CHRM2: variants seen among roughly 807,000 people sequenced by gnomAD.
CHRM2 encodes cholinergic receptor muscarinic 2, also known as muscarinic acetylcholine receptor M2.
Under a neutral mutation model 25.0 loss-of-function variants are expected in CHRM2, and 8 were observed. That is an observed-to-expected ratio of 0.32 (90% CI 0.19 to 0.58). The LOEUF (loss-of-function observed/expected upper bound fraction) is 0.58. Among genes scored for constraint, CHRM2 ranks in the 20% least tolerant of loss-of-function variants. The pLI, the probability that CHRM2 is intolerant of heterozygous loss-of-function variation, is 0.88. For missense variants in CHRM2, 440 were observed against 567.1 expected (o/e 0.78, Z 2.28); for synonymous variants, 202 against 205.7 (o/e 0.98, Z 0.15).
At chr7:136,884,929 C>T (rs114288190) in intron 2 of CHRM2, among the ~76,000 whole-genome samples, 157 of 152,302 alleles carry the variant, frequency 1.0e-3, no homozygotes, top group African/African-American at 3.2e-3. Context: ...TAATGAATCA[C>T]AGAAAATCAG....
chr7:136,909,180 C>CTTA (rs968010806), intron 2 of CHRM2, among the ~76,000 whole-genome samples: 3 of 151,892 alleles, frequency 2.0e-5, no homozygotes, highest in Non-Finnish European at 4.4e-5. Flanking sequence ...GCTTCCAACT[C>CTTA]TTATTATTAT....
At chr7:136,944,977 G>A (rs1162300689) in intron 2 of CHRM2, among the ~76,000 whole-genome samples, 5 of 151,962 alleles carry the variant, frequency 3.3e-5, no homozygotes, top group East Asian at 1.9e-4. Context: ...TTATCATTTC[G>A]ATTTGCACTT....
At chr7:136,929,263 C>A (rs1427407048) in intron 2 of CHRM2, among the ~76,000 whole-genome samples, 1 of 144,768 alleles carries the variant, frequency 6.9e-6, no homozygotes, top group African/African-American at 2.8e-5. Flanking sequence ...ACATTTTTTT[C>A]TTTTCTTTCT....
intron 2 of CHRM2, among the ~76,000 whole-genome samples, chr7:136,964,656 C>T (rs1291026057): frequency 6.6e-6 from 1 of 152,090 alleles, no homozygotes; most frequent in Non-Finnish European, 1.5e-5. Flanking sequence ...CAGAATTTCC[C>T]TGCCTATGTA....
At chr7:136,893,803 A>G (rs897848531) in intron 2 of CHRM2, among the ~76,000 whole-genome samples, 2 of 152,208 alleles carry the variant, frequency 1.3e-5, no homozygotes, top group African/African-American at 4.8e-5. Flanking sequence ...GGGGCTGTGA[A>G]GACATGGAAG....
chr7:136,956,827 GT>G (rs5887820), intron 2 of CHRM2, among the ~76,000 whole-genome samples: 6 of 149,420 alleles, frequency 4.0e-5, no homozygotes, highest in East Asian at 4.0e-4. Flanking sequence ...TCATATGAAG[GT>G]TTTTTTTTTC....
intron 2 of CHRM2, among the ~76,000 whole-genome samples, chr7:136,955,332 A>G (rs1800660259): frequency 6.6e-6 from 1 of 152,160 alleles, no homozygotes; most frequent in Non-Finnish European, 1.5e-5. Flanking sequence ...TGGCACCTTT[A>G]GTACTATTAC....
At chr7:137,010,608 TGA>T (rs1320192115) in intron 3 of CHRM2, among the ~76,000 whole-genome samples, 1 of 151,996 alleles carries the variant, frequency 6.6e-6, no homozygotes, top group African/African-American at 2.4e-5. Flanking sequence ...TGCATCATGC[TGA>T]GAGAAAGAAA....
At chr7:136,883,820 C>G (rs1461652062) in intron 2 of CHRM2, among the ~76,000 whole-genome samples, 3 of 152,102 alleles carry the variant, frequency 2.0e-5, no homozygotes, top group Non-Finnish European at 4.4e-5. Context: ...ACTTTAATGA[C>G]AGGTATGAAA....
chr7:136,878,711 T>C lies in CHRM2; in HGVS notation c.-125+9293T>C, dbSNP rs115904925. 5.1e-3 allele frequency among the ~76,000 whole-genome samples: 776 copies of C among 152,090 alleles called. 2 individuals are homozygous for C. The highest frequency in any genetic ancestry group is 0.018 in the African/African-American group (740 of 41,548). Reference sequence around the variant, plus strand: ...ATGCCCACCCGATGTGGTAAATTTATTCCTTTTTCTTTCTAAATCTTGAAA... The same window carrying C: ...ATGCCCACCCGATGTGGTAAATTTACTCCTTTTTCTTTCTAAATCTTGAAA... On this transcript the variant is annotated intron_variant, in intron 2 of 3. Transcript: ENST00000680005.
intron 2 of CHRM2, among the ~76,000 whole-genome samples, chr7:136,908,451 G>A (rs995404618): frequency 6.6e-6 from 1 of 151,840 alleles, no homozygotes; most frequent in African/African-American, 2.4e-5. Context: ...TTACATTATT[G>A]CAATACCTCT....
At position 137,015,230 on chromosome 7, in the gene CHRM2, A is replaced by G. The variant is rs1296078951; in HGVS notation, c.365A>G (p.Tyr122Cys). 6.2e-7 allele frequency: 1 copy of G among 1,613,384 alleles called. No individual in the cohort carries two copies. The highest frequency in any genetic ancestry group is 1.3e-5 in the African/African-American group (1 of 74,950). Residue 122 changes from tyrosine to cysteine, a missense_variant, in exon 4 of 4, where the codon TAC (tyrosine) becomes TGC (cysteine). By Grantham distance (194) the Tyr-to-Cys change is radical. Coordinates refer to ENST00000680005, the MANE Select transcript of CHRM2 (RefSeq NM_001006630.2). The surrounding 1 kb of genome is among the most constrained non-coding windows in gnomAD (Gnocchi z 5.1). ...CTGCTCATCATCAGCTTTGACAGGTACTTCTGTGTCACAAAACCTCTGACC... is the reference window on the plus strand; with the variant it reads ...CTGCTCATCATCAGCTTTGACAGGTGCTTCTGTGTCACAAAACCTCTGACC... Reference protein sequence around the residue: ...MNLLIISFDRYFCVTKPLTYP... With the variant: ...MNLLIISFDRCFCVTKPLTYP...
At chr7:136,902,603 A>G (rs1277822494) in intron 2 of CHRM2, 1 of 153,972 alleles carries the variant, frequency 6.5e-6, no homozygotes, top group Non-Finnish European at 1.4e-5. Flanking sequence ...AGAATGAAGC[A>G]TCTTAGATTG....
At chr7:136,981,745 T>C (rs548857025) in intron 2 of CHRM2, among the ~76,000 whole-genome samples, 4 of 152,202 alleles carry the variant, frequency 2.6e-5, no homozygotes, top group Non-Finnish European at 5.9e-5. Context: ...AGTTTCCATG[T>C]AGTCGTGTGG....
At chr7:136,900,399 AT>A (rs1470104912) in intron 2 of CHRM2, among the ~76,000 whole-genome samples, 1 of 152,056 alleles carries the variant, frequency 6.6e-6, no homozygotes, top group Non-Finnish European at 1.5e-5. Flanking sequence ...CCTGTTAGTA[AT>A]TTTGAGCAGG....
intron 2 of CHRM2, among the ~76,000 whole-genome samples, chr7:136,895,047 G>A (rs1006760917): frequency 6.6e-5 from 10 of 152,198 alleles, no homozygotes; most frequent in Middle Eastern, 3.4e-3. Context: ...GCTGGAGTTA[G>A]AAAATTTTTC....
chr7:136,929,504 A>G (rs575336018), intron 2 of CHRM2, among the ~76,000 whole-genome samples: 1 of 152,034 alleles, frequency 6.6e-6, no homozygotes, highest in Non-Finnish European at 1.5e-5. Flanking sequence ...CAGGAAGAAA[A>G]GAGAGTCCTC....
At chr7:136,964,448 A>G (rs1419919043) in intron 2 of CHRM2, among the ~76,000 whole-genome samples, 1 of 152,128 alleles carries the variant, frequency 6.6e-6, no homozygotes, top group African/African-American at 2.4e-5. Flanking sequence ...TTTGGTCCTC[A>G]GTTGGCCTTG....
intron 2 of CHRM2, among the ~76,000 whole-genome samples, chr7:136,942,456 C>G (rs999073145): frequency 2.6e-5 from 4 of 152,182 alleles, no homozygotes; most frequent in African/African-American, 9.6e-5. Context: ...CAATCACAAG[C>G]AGGGCACCCC....
Sources: allele counts gnomAD v4.1 joint callset (sites outside exome capture counted in the v4.1 genomes callset), GRCh38; gene constraint gnomAD v4.1.1; non-coding constraint Gnocchi (gnomAD v3.1); transcripts MANE v1.5; gene names NCBI Gene and HGNC (gene_info 2026-07-23, HGNC 2026-07-21).